Variants in AJAP1 observed in about 807,000 individuals in gnomAD.
AJAP1 encodes adherens junctions associated protein 1.
AJAP1 carries 5 observed loss-of-function variants against 35.0 expected under a neutral mutation model. That is an observed-to-expected ratio of 0.14 (90% confidence interval 0.07 to 0.30). The LOEUF (loss-of-function observed/expected upper bound fraction) is 0.30. Among genes scored for constraint, AJAP1 ranks in the 10% least tolerant of loss-of-function variants. The pLI is 1.00. For synonymous variants in AJAP1, 284 were observed against 249.3 expected, an observed-to-expected ratio of 1.14 and a Z score of -1.31; for missense variants, 586 against 571.0, an observed-to-expected ratio of 1.03 and a Z score of -0.27.
intron 2 of AJAP1, among the ~76,000 whole-genome samples, chr1:4,764,646 T>C (rs1454342065): frequency 1.3e-5 from 2 of 152,248 alleles, no homozygotes; most frequent in Non-Finnish European, 2.9e-5. Flanking sequence ...CATTTTTGTG[T>C]CCAGTGACCA....
intron 2 of AJAP1, among the ~76,000 whole-genome samples, chr1:4,744,661 C>T (rs536378587): frequency 6.6e-6 from 1 of 151,526 alleles, no homozygotes; most frequent in East Asian, 1.9e-4. Flanking sequence ...ACATTCATGC[C>T]CAAGCACGCC....
chr1:4,670,745 C>T (rs1570093661), intron 1 of AJAP1, among the ~76,000 whole-genome samples: 1 of 152,220 alleles, frequency 6.6e-6, no homozygotes, highest in East Asian at 1.9e-4. Context: ...CACTGGACAG[C>T]CTGTTCAGGA....
chr1:4,706,155 T>C (rs1640096561), intron 1 of AJAP1, among the ~76,000 whole-genome samples: 1 of 151,808 alleles, frequency 6.6e-6, no homozygotes, highest in Non-Finnish European at 1.5e-5. Context: ...GGAAGGGAGG[T>C]CCACTTCCTG....
intron 5 of AJAP1, among the ~76,000 whole-genome samples, chr1:4,781,654 T>G (rs1642065955): frequency 1.3e-5 from 2 of 152,266 alleles, no homozygotes; most frequent in African/African-American, 4.8e-5. Flanking sequence ...TGCCTGTAGT[T>G]GAAAGGAGCT....
intron 1 of AJAP1, among the ~76,000 whole-genome samples, chr1:4,660,903 A>G (rs1638985850): frequency 6.6e-6 from 1 of 152,222 alleles, no homozygotes; most frequent in Admixed American, 6.5e-5. Flanking sequence ...CTTTACGTAA[A>G]TTAGGTCAAC....
rs184199159 is a variant in AJAP1, at chr1:4,700,047, G to A, written c.30-11853G>A. ...GGTGCTTGTGTCTTTGCACGATTGCGTAGAGCTCTCCCCTGAGCGTCTTCC... is the reference window on the plus strand; with the variant it reads ...GGTGCTTGTGTCTTTGCACGATTGCATAGAGCTCTCCCCTGAGCGTCTTCC... On this transcript the variant is annotated intron_variant, in intron 1 of 5. Coordinates refer to ENST00000378191, the MANE Select transcript of AJAP1 (RefSeq NM_018836.4). Among the ~76,000 whole-genome samples, 126 of 152,280 alleles carry A rather than the reference G, an allele frequency of 8.3e-4. 1 individual carries two copies. Among genetic ancestry groups the A allele is most frequent in the African/African-American group, 2.7e-3 (113 of 41,552 alleles).
chr1:4,707,962 C>G (rs2086718), intron 1 of AJAP1, among the ~76,000 whole-genome samples: 2,100 of 142,634 alleles, frequency 0.015, 24 homozygotes, highest in Middle Eastern at 0.023. Context: ...GTGGGCGGTA[C>G]GTTTTTTTTT....
At chr1:4,770,400 A>G (rs1345666715) in intron 3 of AJAP1, among the ~76,000 whole-genome samples, 2 of 151,932 alleles carry the variant, frequency 1.3e-5, no homozygotes, top group African/African-American at 2.4e-5. Flanking sequence ...TCTCAAAGCC[A>G]CTCTGTGTGC....
intron 2 of AJAP1, among the ~76,000 whole-genome samples, chr1:4,727,563 T>G (rs1373502830): frequency 1.3e-5 from 2 of 152,186 alleles, no homozygotes; most frequent in African/African-American, 4.8e-5. Context: ...AGCAGAGGCG[T>G]GCTGCTGGGG....
intron 2 of AJAP1, among the ~76,000 whole-genome samples, chr1:4,748,049 C>G (rs1641231382): frequency 6.6e-6 from 1 of 151,956 alleles, no homozygotes; most frequent in African/African-American, 2.4e-5. Context: ...ACCCAAACCC[C>G]ACCCACTGTG....
At chr1:4,735,834 G>T (rs1366177149) in intron 2 of AJAP1, among the ~76,000 whole-genome samples, 1 of 152,244 alleles carries the variant, frequency 6.6e-6, no homozygotes, top group Admixed American at 6.5e-5. Flanking sequence ...TCTGGCCTCG[G>T]AGCTGGCTCC....
intron 1 of AJAP1, among the ~76,000 whole-genome samples, chr1:4,704,846 A>C (rs1464161223): frequency 2.6e-5 from 4 of 152,180 alleles, no homozygotes; most frequent in Non-Finnish European, 5.9e-5. Context: ...AATGATCGCC[A>C]TTCTAACTGG....
chr1:4,712,645 C>A lies in AJAP1; in HGVS notation c.775C>A (p.Pro259Thr), dbSNP rs1484234749. Residue 259 changes from proline (P) to threonine (T), a missense_variant, in exon 2 of 6, where the codon CCC becomes ACC. Coordinates refer to ENST00000378191, the MANE Select transcript of AJAP1 (RefSeq NM_018836.4). The stretch of plus-strand genomic sequence containing the variant: ...TAGCACAACGGAGCCTTCCACCAGT[C>A]CCAGCAACAACGGGGAAGTCACCCA... ...GVSTTEPSTS[P>T]SNNGEVTQPP... 6.4e-7 allele frequency: 1 copy of A among 1,550,820 alleles called. No homozygotes were observed. Among genetic ancestry groups the A allele is most frequent in the Non-Finnish European group, 8.7e-7 (1 of 1,143,838 alleles).
At chr1:4,763,410 C>T (rs1256257148) in intron 2 of AJAP1, among the ~76,000 whole-genome samples, 2 of 152,180 alleles carry the variant, frequency 1.3e-5, no homozygotes, top group Admixed American at 6.5e-5. Context: ...GGACTTCCGA[C>T]GAGAGGAGAC....
At chr1:4,710,005 T>C (rs12760917) in intron 1 of AJAP1, among the ~76,000 whole-genome samples, 64,942 of 151,790 alleles carry the variant, frequency 0.43, 13,981 homozygotes, top group East Asian at 0.5. Context: ...CCCCCAGGGA[T>C]GCGTTCACAC....
At chr1:4,747,287 CT>C (rs1641209648) in intron 2 of AJAP1, among the ~76,000 whole-genome samples, 1 of 152,310 alleles carries the variant, frequency 6.6e-6, no homozygotes, top group East Asian at 1.9e-4. Context: ...CGATACACCC[CT>C]GACTGCTCCT....
At position 4,656,825 on chromosome 1, in the gene AJAP1, G is replaced by C. The variant is rs1638893021; in HGVS notation, c.29+1371G>C. Among the ~76,000 whole-genome samples the C allele has an allele frequency of 6.6e-6, 1 of 152,184 alleles. No homozygotes were observed. Among genetic ancestry groups the C allele is most frequent in the Non-Finnish European group, 1.5e-5 (1 of 68,022 alleles). On this transcript the variant is annotated intron_variant, in intron 1 of 5. Transcript: ENST00000378191. This position sits in a 1 kb window ranked among gnomAD's most constrained non-coding sequence, Gnocchi z 5.7. Reference sequence around the variant, plus strand: ...GTGGGATATTGGTCGGGCGTGAATCGATAAGTGTGCTTGGGCTAGATAAGG... The same window carrying C: ...GTGGGATATTGGTCGGGCGTGAATCCATAAGTGTGCTTGGGCTAGATAAGG...
intron 2 of AJAP1, among the ~76,000 whole-genome samples, chr1:4,717,230 C>T (rs1640412870): frequency 1.3e-5 from 2 of 152,158 alleles, no homozygotes; most frequent in South Asian, 4.1e-4. Flanking sequence ...TCTGAATATG[C>T]CCACTGTGGG....
Position 4,730,310 on chromosome 1 carries a change from G to A in AJAP1, c.829+17611G>A, listed in dbSNP as rs1369189735. Among the ~76,000 whole-genome samples the A allele has an allele frequency of 2.0e-5, 3 of 152,142 alleles. No individual in the cohort carries two copies. In the East Asian group the frequency reaches 5.8e-4, roughly 29 times the overall value. ...GATTTTATTGTTAACTTTGGCTCCT[G>A]GGGAAACAAAATAGCACACAGACAC... On this transcript the variant is annotated intron_variant, in intron 2 of 5. Transcript: ENST00000378191.
Sources: gnomAD v4.1 joint callset for allele counts (sites outside exome capture counted in the v4.1 genomes callset) on GRCh38, gnomAD v4.1.1 for gene constraint, Gnocchi (gnomAD v3.1) non-coding constraint, MANE v1.5 for transcripts, NCBI Gene and HGNC (gene_info 2026-07-23, HGNC 2026-07-21) for gene names.